The following VPS13B variants were observed in gnomAD, a reference collection of about 807,000 sequenced individuals.
The protein encoded by VPS13B is intermembrane lipid transfer protein VPS13B.
VPS13B carries 285 observed loss-of-function variants against 426.4 expected under a neutral mutation model. The observed-to-expected ratio is 0.67, with a 90% CI of 0.61 to 0.74. The LOEUF (loss-of-function observed/expected upper bound fraction) is 0.74. Among genes scored for constraint, VPS13B ranks in the 30% least tolerant of loss-of-function variants. VPS13B has a pLI of 0.00. For missense variants in VPS13B, 4,537 were observed against 4,782.6 expected (o/e 0.95, Z 1.51); for synonymous variants, 1,676 against 1,676.4 (o/e 1.00, Z 0.01).
At chr8:99,431,698 T>C (rs1817121831) in intron 22 of VPS13B, 34 bp downstream of exon 22, 1 of 1,598,306 alleles carries the variant, frequency 6.3e-7, no homozygotes, top group African/African-American at 1.3e-5. Context: ...ATGGATATAA[T>C]TTCTATAATC....
chr8:99,864,288 C>CT (rs984725019), intron 58 of VPS13B, among the ~76,000 whole-genome samples: 1 of 152,232 alleles, frequency 6.6e-6, no homozygotes, highest in Admixed American at 6.5e-5. Flanking sequence ...ATGGCTCACA[C>CT]TTGTAATCCT....
In VPS13B at chr8:99,671,593, G is replaced by A. The variant is rs1169096368; in HGVS notation, c.6046+10102G>A. 5.3e-5 allele frequency among the ~76,000 whole-genome samples: 8 copies of A among 152,136 alleles called. 1 individual carries two copies. Among genetic ancestry groups the A allele is most frequent in the South Asian group, 4.1e-4 (2 of 4,824 alleles). On this transcript the variant is annotated intron_variant, in intron 35 of 61. Transcript: ENST00000357162. ...CCCTGTGTTTTCTTCTAGTAGTTTC[G>A]TAGTTTTTGGTCTTACTACATTTAA...
chr8:99,211,917 G>C (rs1815108945), intron 17 of VPS13B, among the ~76,000 whole-genome samples: 1 of 151,796 alleles, frequency 6.6e-6, no homozygotes, highest in South Asian at 2.1e-4. Flanking sequence ...TTTTGAGACA[G>C]AGTCTTACTC....
intron 21 of VPS13B, among the ~76,000 whole-genome samples, chr8:99,425,421 C>A (rs939596939): frequency 1.3e-5 from 2 of 152,090 alleles, no homozygotes; most frequent in African/African-American, 4.8e-5. Flanking sequence ...ATATGCAAGT[C>A]AATAAACATA....
intron 19 of VPS13B, among the ~76,000 whole-genome samples, chr8:99,356,458 G>A (rs1812187790): frequency 6.6e-6 from 1 of 152,140 alleles, no homozygotes; most frequent in African/African-American, 2.4e-5. Context: ...GACCAGCCTG[G>A]ACAACATGGT....
At chr8:99,670,965 C>T (rs910331242) in intron 35 of VPS13B, among the ~76,000 whole-genome samples, 2 of 152,028 alleles carry the variant, frequency 1.3e-5, no homozygotes, top group Admixed American at 6.5e-5. Context: ...TATATCTCTT[C>T]GGCACACTGG....
At chr8:99,051,034 A>G (rs4734423) in intron 3 of VPS13B, among the ~76,000 whole-genome samples, 12,646 of 152,074 alleles carry the variant, frequency 0.083, 881 homozygotes, top group African/African-American at 0.19. Flanking sequence ...CTTTAGTTTA[A>G]TTAGATCCCA....
At chr8:99,312,222 T>C (rs1821026785) in intron 19 of VPS13B, among the ~76,000 whole-genome samples, 1 of 152,196 alleles carries the variant, frequency 6.6e-6, no homozygotes. Flanking sequence ...TGATGTTAGC[T>C]GGTTATTTTG....
At chr8:99,687,681 C>G (rs1324174673) in intron 35 of VPS13B, among the ~76,000 whole-genome samples, 2 of 152,064 alleles carry the variant, frequency 1.3e-5, no homozygotes, top group African/African-American at 4.8e-5. Context: ...GATTCTCTCT[C>G]TGTGCCACAC....
chr8:99,721,494 T>G (rs1833132232), intron 39 of VPS13B, among the ~76,000 whole-genome samples: 2 of 152,214 alleles, frequency 1.3e-5, no homozygotes, highest in Non-Finnish European at 2.9e-5. Flanking sequence ...GTAGGCTGAT[T>G]TTTCTATTAA....
At chr8:99,570,156 G>A (rs2133795973) in intron 31 of VPS13B, among the ~76,000 whole-genome samples, 1 of 152,252 alleles carries the variant, frequency 6.6e-6, no homozygotes, top group Admixed American at 6.5e-5. Context: ...GTTTCACCAA[G>A]ATATGTCTGC....
At position 99,467,623 on chromosome 8, in the gene VPS13B, T is replaced by G. The variant is rs1294175505; in HGVS notation, c.3655T>G (p.Ser1219Ala). 2 of 1,613,560 alleles carry G rather than the reference T, an allele frequency of 1.2e-6. No homozygotes were observed. The change falls in exon 24 of 62, where the codon TCT (serine) becomes GCT (alanine). Residue 1219 changes from serine (S) to alanine (A), a missense_variant. Around this residue, in one of 2 missense-constraint regions of VPS13B, gnomAD observed 4,311 missense variants for 4,474.3 expected, o/e 0.96. Transcript: ENST00000357162. ...VDLESLEIKC[S>A]NPQVQLFYEL... ...CCTAGAGTCACTAGAGATAAAATGCTCTAATCCCCAGGTTGGTACATTTGA... is the reference window on the plus strand; with the variant it reads ...CCTAGAGTCACTAGAGATAAAATGCGCTAATCCCCAGGTTGGTACATTTGA...
intron 36 of VPS13B, among the ~76,000 whole-genome samples, chr8:99,715,712 G>A (rs1832891059): frequency 6.6e-6 from 1 of 152,168 alleles, no homozygotes; most frequent in African/African-American, 2.4e-5. Context: ...AATAAAGGAT[G>A]ATGCAATCCT....
chr8:99,678,650 C>T (rs1282907348), intron 35 of VPS13B, among the ~76,000 whole-genome samples: 1 of 151,940 alleles, frequency 6.6e-6, no homozygotes, highest in African/African-American at 2.4e-5. Flanking sequence ...AAAGGTCTCT[C>T]TTTTTGTGAT....
intron 14 of VPS13B, among the ~76,000 whole-genome samples, chr8:99,155,879 GGAGT>G (rs919683472): frequency 6.6e-6 from 1 of 152,100 alleles, no homozygotes; most frequent in Non-Finnish European, 1.5e-5. Flanking sequence ...GCATTTTAAG[GGAGT>G]GAGTGAGTGA....
chr8:99,273,198 C>T (rs1292184613), intron 17 of VPS13B, among the ~76,000 whole-genome samples: 8 of 139,150 alleles, frequency 5.7e-5, no homozygotes, highest in African/African-American at 1.9e-4. Context: ...CTCTCTCTGT[C>T]GCTAGGCTGG....
intron 3 of VPS13B, among the ~76,000 whole-genome samples, chr8:99,063,148 T>C (rs1333438319): frequency 6.6e-6 from 1 of 152,122 alleles, no homozygotes; most frequent in Non-Finnish European, 1.5e-5. Context: ...GCTCCCAGCG[T>C]GATTGACACA....
chr8:99,658,239 A>T (rs1830092367), intron 34 of VPS13B, among the ~76,000 whole-genome samples: 2 of 152,214 alleles, frequency 1.3e-5, no homozygotes, highest in Admixed American at 1.3e-4. Context: ...TGCAAAAAGC[A>T]TCAGAATACA....
chr8:99,356,665 G>A (rs1465436205), intron 19 of VPS13B, among the ~76,000 whole-genome samples: 2 of 152,006 alleles, frequency 1.3e-5, no homozygotes, highest in East Asian at 1.9e-4. Flanking sequence ...AAACAAACAA[G>A]TATCTTTACC....
Sources: gnomAD v4.1 joint callset for allele counts (sites outside exome capture counted in the v4.1 genomes callset) on GRCh38, gnomAD v4.1.1 for gene constraint, gnomAD v4.1.1 regional missense constraint, MANE v1.5 for transcripts, NCBI Gene and HGNC (gene_info 2026-07-23, HGNC 2026-07-21) for gene names.